GASK1A: variants seen among roughly 807,000 people sequenced by gnomAD.
GASK1A encodes golgi associated kinase 1A.
In GASK1A, 40 loss-of-function variants were observed where a neutral mutation model predicts 41.2. The ratio of observed to expected loss-of-function variants is 0.97; its 90% CI spans 0.75 to 1.27. The LOEUF is 1.27. Among genes scored for constraint, GASK1A ranks in the 50% most tolerant of loss-of-function variants. GASK1A has a pLI of 0.00. For synonymous variants in GASK1A, 316 were observed against 307.1 expected, an observed-to-expected ratio of 1.03 and a Z score of -0.30; for missense variants, 678 against 745.1, an observed-to-expected ratio of 0.91 and a Z score of 1.05.
chr3:42,995,948 G>A (rs921258676), intron 1 of GASK1A, among the ~76,000 whole-genome samples: 1 of 152,164 alleles, frequency 6.6e-6, no homozygotes, highest in African/African-American at 2.4e-5. Flanking sequence ...TCCAACAAAT[G>A]ACAGGGTCTC....
At chr3:43,002,827 T>A (rs1485280567) in intron 1 of GASK1A, among the ~76,000 whole-genome samples, 2 of 152,194 alleles carry the variant, frequency 1.3e-5, no homozygotes, top group Non-Finnish European at 2.9e-5. Flanking sequence ...ACATTGTATT[T>A]CTATTGGTTG....
intron 1 of GASK1A, among the ~76,000 whole-genome samples, chr3:42,982,660 A>T (rs920938401): frequency 6.6e-6 from 1 of 152,218 alleles, no homozygotes; most frequent in Non-Finnish European, 1.5e-5. Flanking sequence ...CCAGCTTCTC[A>T]TTATCCATGG....
chr3:43,008,812 T>C (rs1033006911), intron 1 of GASK1A, among the ~76,000 whole-genome samples: 29 of 152,184 alleles, frequency 1.9e-4, no homozygotes, highest in Admixed American at 1.9e-3. Flanking sequence ...GGCACGTTGG[T>C]ATCAGTCCCT....
At chr3:43,044,286 C>T (rs796725529) in intron 2 of GASK1A, among the ~76,000 whole-genome samples, 9 of 152,160 alleles carry the variant, frequency 5.9e-5, no homozygotes, top group African/African-American at 1.9e-4. Context: ...AGATATGTTG[C>T]GCTCCAAACA....
At chr3:42,982,513 G>A (rs13078406) in intron 1 of GASK1A, among the ~76,000 whole-genome samples, 41,004 of 152,060 alleles carry the variant, frequency 0.27, 6,901 homozygotes, top group Middle Eastern at 0.4. Context: ...ATCAAAGCAC[G>A]TTTCCATGTC....
intron 1 of GASK1A, among the ~76,000 whole-genome samples, chr3:43,029,017 G>C (rs940805400): frequency 2.0e-5 from 3 of 152,134 alleles, no homozygotes; most frequent in Non-Finnish European, 4.4e-5. Context: ...GTCAGGTGAG[G>C]GGGGAAGATA....
chr3:43,021,810 A>AC (rs1356445298), intron 1 of GASK1A, among the ~76,000 whole-genome samples: 2 of 151,922 alleles, frequency 1.3e-5, no homozygotes, highest in African/African-American at 2.4e-5. Context: ...TTCTCTAGCT[A>AC]CCCCCCTGTT....
rs943030233 is a variant in GASK1A at position 42,979,453 on chromosome 3, G to A, written c.-190G>A. 13 of 476,982 alleles carry A rather than the reference G, an allele frequency of 2.7e-5. No individual in the cohort carries two copies. Among genetic ancestry groups the A allele is most frequent in the Non-Finnish European group, 1.0e-5 (3 of 298,962 alleles). 29.5% of individuals were successfully genotyped at this position (476,982 alleles called of 1,614,324 possible). A position where few individuals can be genotyped will look rare whatever the true frequency, so the allele number is the denominator to read the frequency against. ...ATCCCGGTGTGCAGCGATCTCCCGA[G>A]AGTTGGCGCAGGGCCACTTGGCTGC... On this transcript the variant is annotated 5_prime_UTR_variant, in exon 1 of 5. Coordinates refer to ENST00000430121, the MANE Select transcript of GASK1A (RefSeq NM_001129908.3).
At chr3:42,981,210 G>C (rs769857592) in intron 1 of GASK1A, among the ~76,000 whole-genome samples, 8 of 152,164 alleles carry the variant, frequency 5.3e-5, no homozygotes, top group African/African-American at 1.2e-4. Context: ...ACTGTCTCAG[G>C]GTTCACTTGC....
rs1048145931 is a variant in GASK1A at position 43,011,900 on chromosome 3, T to C, written c.4-20367T>C. ...GGCTGTGTGAAGTCATAGGAAGGGG[T>C]AGTGTGAAGCCAGATAAAAGGGCAG... On this transcript the variant is annotated intron_variant, in intron 1 of 4. Coordinates refer to ENST00000430121, the MANE Select transcript of GASK1A (RefSeq NM_001129908.3). Among the ~76,000 whole-genome samples the C allele has an allele frequency of 5.3e-5, 7 of 132,214 alleles. No homozygotes were observed. The East Asian group carries it at 1.4e-3, about 27-fold the overall frequency. The allele number at this position is 132,214 out of a possible 152,430, so 86.7% of individuals were successfully genotyped here.
At chr3:43,055,732 AT>A (rs1010664231) in intron 4 of GASK1A, 197 bp downstream of exon 4, 1 of 560,438 alleles carries the variant, frequency 1.8e-6, no homozygotes, top group Non-Finnish European at 3.2e-6. Context: ...CTACCCCAAT[AT>A]CCAGAGGGCC....
chr3:43,030,106 C>T (rs1437376307), intron 1 of GASK1A, among the ~76,000 whole-genome samples: 4 of 152,192 alleles, frequency 2.6e-5, no homozygotes, highest in Admixed American at 6.5e-5. Context: ...AAGCGGTTCT[C>T]CTGCCAGGTT....
intron 1 of GASK1A, among the ~76,000 whole-genome samples, chr3:42,997,401 C>CTACT (rs1458664970): frequency 1.4e-5 from 2 of 146,370 alleles, no homozygotes; most frequent in African/African-American, 5.0e-5. Flanking sequence ...CATGTTCAAG[C>CTACT]TACTACTTTC....
chr3:42,992,737 A>T (rs1043951070), intron 1 of GASK1A, among the ~76,000 whole-genome samples: 1 of 152,256 alleles, frequency 6.6e-6, no homozygotes, highest in Non-Finnish European at 1.5e-5. Flanking sequence ...GGGTCCAAGC[A>T]TGTGATAAAA....
chr3:43,001,373 C>T lies in GASK1A; in HGVS notation c.3+21728C>T, dbSNP rs148068879. ...TGGATACAGCTAAATCCAAACAGCA[C>T]GTGGCCACATCTAGCCTGCAATGGA... On this transcript the variant is annotated intron_variant, in intron 1 of 4. Transcript: ENST00000430121. Among the ~76,000 whole-genome samples, 1,135 of 152,278 alleles carry T rather than the reference C, an allele frequency of 7.5e-3. 11 individuals are homozygous for T. Among genetic ancestry groups the T allele is most frequent in the African/African-American group, 0.026 (1,069 of 41,556 alleles).
intron 2 of GASK1A, among the ~76,000 whole-genome samples, chr3:43,050,797 C>T (rs1253861202): frequency 2.0e-5 from 3 of 151,960 alleles, no homozygotes; most frequent in African/African-American, 4.8e-5. Context: ...AACTGCTGTT[C>T]GATCCTCTCA....
Position 43,040,884 on chromosome 3 carries a change from G to GC in GASK1A, c.1290+7333dup, listed in dbSNP as rs754552013. 2.4e-4 allele frequency among the ~76,000 whole-genome samples: 25 copies of GC among 103,956 alleles called. 4 individuals are homozygous for GC. The highest frequency in any genetic ancestry group is 6.8e-4 in the South Asian group (2 of 2,934). 68.2% of individuals were successfully genotyped at this position (103,956 alleles called of 152,430 possible). A position where few individuals can be genotyped will look rare whatever the true frequency, so the allele number is the denominator to read the frequency against. On this transcript the variant is annotated intron_variant, in intron 2 of 4. Transcript: ENST00000430121. Reference sequence around the variant, plus strand: ...TCTCCCAATGCTATCCCTCCCCCCCGCCACAACAGTCCGCAGAGTGTGATG... The same window carrying GC: ...TCTCCCAATGCTATCCCTCCCCCCCGCCCACAACAGTCCGCAGAGTGTGATG...
In GASK1A at chr3:42,984,585, G is replaced by A. The variant is rs1295575231; in HGVS notation, c.3+4940G>A. ...CAGGATGAGGGCTGATGTGAAGGGT[G>A]AGGAAACAGCAGGAGTATAACTGAA... On this transcript the variant is annotated intron_variant, in intron 1 of 4. Transcript: ENST00000430121. This position sits in a 1 kb window ranked among gnomAD's most constrained non-coding sequence, Gnocchi z 4.2. 6.6e-6 allele frequency among the ~76,000 whole-genome samples: 1 copy of A among 152,138 alleles called. No individual in the cohort carries two copies. Among genetic ancestry groups the A allele is most frequent in the Non-Finnish European group, 1.5e-5 (1 of 68,022 alleles).
intron 1 of GASK1A, among the ~76,000 whole-genome samples, chr3:42,999,309 G>A (rs1000144877): frequency 1.3e-5 from 2 of 152,194 alleles, no homozygotes; most frequent in Admixed American, 6.5e-5. Flanking sequence ...CATTCTGGAC[G>A]GAGCTGGTGC....
Sources: gnomAD v4.1 joint callset for allele counts (sites outside exome capture counted in the v4.1 genomes callset) on GRCh38, gnomAD v4.1.1 for gene constraint, Gnocchi (gnomAD v3.1) non-coding constraint, MANE v1.5 for transcripts, NCBI Gene and HGNC (gene_info 2026-07-23, HGNC 2026-07-21) for gene names.